Variants in OR2L13 observed in about 807,000 individuals in gnomAD.
OR2L13 encodes olfactory receptor family 2 subfamily L member 13, also known as olfactory receptor 2L13.
Under a neutral mutation model 15.3 loss-of-function variants are expected in OR2L13, and 14 were observed. The observed-to-expected ratio is 0.91, with a 90% CI of 0.60 to 1.43. The LOEUF (loss-of-function observed/expected upper bound fraction) is 1.43, where lower values mean the gene tolerates loss of function less well. OR2L13 is among the 40% of genes most tolerant of loss of function. OR2L13 has a pLI of 0.00. For synonymous variants in OR2L13, 152 were observed against 142.9 expected, an observed-to-expected ratio of 1.06 and a Z score of -0.45; for missense variants, 367 against 387.9, an observed-to-expected ratio of 0.95 and a Z score of 0.45.
the OR2L13 span, among the ~76,000 whole-genome samples, chr1:248,011,496 G>T: frequency 6.6e-6 from 1 of 152,096 alleles, no homozygotes; most frequent in Non-Finnish European, 1.5e-5. Context: ...ATGTTGGTCT[G>T]TCTTGATAGG....
At chr1:247,958,569 G>T in the OR2L13 span, among the ~76,000 whole-genome samples, 1 of 152,216 alleles carries the variant, frequency 6.6e-6, no homozygotes, top group Admixed American at 6.5e-5. Context: ...ATTATTGTGT[G>T]GGAGTCTAAG....
the OR2L13 span, among the ~76,000 whole-genome samples, chr1:248,088,157 G>C: frequency 6.6e-6 from 1 of 152,044 alleles, no homozygotes; most frequent in East Asian, 1.9e-4. Context: ...CAGAGCGGAA[G>C]AACTTTAATG....
At chr1:247,957,597 T>C in the OR2L13 span, among the ~76,000 whole-genome samples, 2 of 152,192 alleles carry the variant, frequency 1.3e-5, no homozygotes, top group Non-Finnish European at 2.9e-5. Flanking sequence ...TGGTAAGATA[T>C]TAATTATTGC....
chr1:247,965,590 A>T, the OR2L13 span: 1 of 1,589,050 alleles, frequency 6.3e-7, no homozygotes, highest in Non-Finnish European at 8.6e-7. Flanking sequence ...CGTTGACCTC[A>T]TGTACATCTC....
At chr1:247,950,377 T>C in the OR2L13 span, among the ~76,000 whole-genome samples, 1 of 152,172 alleles carries the variant, frequency 6.6e-6, no homozygotes, top group South Asian at 2.1e-4. Flanking sequence ...CTTTCTGTAG[T>C]GGAATGAATC....
At chr1:248,090,341 A>AT (rs964144035), upstream of OR2L13, among the ~76,000 whole-genome samples, 73 of 147,078 alleles carry the variant, frequency 5.0e-4, 1 homozygote, top group African/African-American at 1.7e-3. Context: ...CAAATTTGTC[A>AT]TACAGGTAAA....
chr1:247,996,727 G>T, the OR2L13 span, among the ~76,000 whole-genome samples: 1 of 151,978 alleles, frequency 6.6e-6, no homozygotes, highest in Non-Finnish European at 1.5e-5. Context: ...ATCAAATAAG[G>T]ATTCTTACCT....
the OR2L13 span, chr1:248,022,523 G>C: frequency 6.2e-7 from 1 of 1,614,044 alleles, no homozygotes; most frequent in Non-Finnish European, 8.5e-7. Context: ...CAGACACCTG[G>C]GTCTATGAGT....
At chr1:247,975,385 C>T in the OR2L13 span, 3 of 632,926 alleles carry the variant, frequency 4.7e-6, no homozygotes, top group Non-Finnish European at 9.0e-6. Flanking sequence ...TGAGGTTCTC[C>T]TTACTGTCTA....
At chr1:247,949,193 A>C in the OR2L13 span, 12 of 1,614,176 alleles carry the variant, frequency 7.4e-6, no homozygotes, top group South Asian at 2.2e-5. Flanking sequence ...CAGAAGCACT[A>C]CTTTTGGCAT....
the OR2L13 span, among the ~76,000 whole-genome samples, chr1:248,018,743 A>G: frequency 6.6e-6 from 1 of 152,190 alleles, no homozygotes; most frequent in Non-Finnish European, 1.5e-5. Flanking sequence ...ACCACCATGC[A>G]TCTCCAGAAC....
At chr1:248,071,416 A>T in the OR2L13 span, among the ~76,000 whole-genome samples, 1 of 152,184 alleles carries the variant, frequency 6.6e-6, no homozygotes, top group Non-Finnish European at 1.5e-5. Context: ...GCCTTTGACA[A>T]AATTCAACAA....
At chr1:248,071,343 A>G in the OR2L13 span, among the ~76,000 whole-genome samples, 1 of 152,152 alleles carries the variant, frequency 6.6e-6, no homozygotes, top group African/African-American at 2.4e-5. Context: ...AATAAATGTA[A>G]TCCAGCATAT....
chr1:248,052,035 A>AT, the OR2L13 span, among the ~76,000 whole-genome samples: 1 of 152,000 alleles, frequency 6.6e-6, no homozygotes, highest in African/African-American at 2.4e-5. Context: ...TTTACTTACA[A>AT]TTTTTTCAAC....
the OR2L13 span, chr1:248,038,980 C>G: frequency 6.2e-7 from 1 of 1,614,094 alleles, no homozygotes; most frequent in South Asian, 1.1e-5. Context: ...AAGGCCTATT[C>G]AACCTGTAGC....
the OR2L13 span, among the ~76,000 whole-genome samples, chr1:248,081,985 T>C: frequency 1.3e-5 from 2 of 152,122 alleles, no homozygotes; most frequent in Non-Finnish European, 2.9e-5. Context: ...TGGAAGCTTT[T>C]AGTTATTTCC....
At chr1:248,039,943 G>C in the OR2L13 span, 1 of 152,192 alleles carries the variant, frequency 6.6e-6, no homozygotes, top group Admixed American at 6.5e-5. Context: ...TTCTGTATAA[G>C]AAGTTCTATA....
chr1:248,058,197 AC>A, the OR2L13 span, among the ~76,000 whole-genome samples: 1 of 152,220 alleles, frequency 6.6e-6, no homozygotes, highest in African/African-American at 2.4e-5. Context: ...AATGTTAGAA[AC>A]ATAACAAACT....
At chr1:247,999,422 A>G in the OR2L13 span, among the ~76,000 whole-genome samples, 2 of 152,044 alleles carry the variant, frequency 1.3e-5, no homozygotes, top group African/African-American at 4.8e-5. Context: ...TTGGAAGCAC[A>G]CATGCACACA....
Sources: gnomAD v4.1 joint callset for allele counts (sites outside exome capture counted in the v4.1 genomes callset) on GRCh38, gnomAD v4.1.1 for gene constraint, MANE v1.5 for transcripts, NCBI Gene and HGNC (gene_info 2026-07-23, HGNC 2026-07-21) for gene names.